Variants in TPRG1 observed in about 807,000 individuals in gnomAD.
TPRG1 encodes the protein tumor protein p63-regulated gene 1 protein.
A neutral mutation model predicts 29.3 loss-of-function variants in TPRG1; 29 were observed. The observed-to-expected ratio is 0.99, with a 90% CI of 0.74 to 1.35. The LOEUF (loss-of-function observed/expected upper bound fraction) is 1.35, where lower values mean the gene tolerates loss of function less well. Among genes scored for constraint, TPRG1 ranks in the 40% most tolerant of loss-of-function variants. TPRG1 has a pLI of 0.00. For synonymous variants in TPRG1, 130 were observed against 116.8 expected, an observed-to-expected ratio of 1.11 and a Z score of -0.73; for missense variants, 327 against 335.0, an observed-to-expected ratio of 0.98 and a Z score of 0.19.
At chr3:189,048,591 G>GT (rs908980438) in intron 4 of TPRG1, among the ~76,000 whole-genome samples, 32 of 151,908 alleles carry the variant, frequency 2.1e-4, no homozygotes, top group African/African-American at 5.8e-4. Context: ...ATAGAAGGCT[G>GT]TTTTTTTTCT....
intron 3 of TPRG1, among the ~76,000 whole-genome samples, chr3:189,217,217 A>G (rs1736204678): frequency 6.6e-6 from 1 of 152,214 alleles, no homozygotes; most frequent in African/African-American, 2.4e-5. Context: ...AACATCAACT[A>G]CAATGATTGG....
intron 1 of TPRG1, among the ~76,000 whole-genome samples, chr3:189,196,476 CAGAAGG>C (rs1261931891): frequency 1.3e-5 from 2 of 152,046 alleles, no homozygotes; most frequent in Non-Finnish European, 2.9e-5. Context: ...AAAATCATGG[CAGAAGG>C]GGAAGGGGAA....
In TPRG1 at chr3:189,238,886, C is replaced by T; in HGVS notation, c.456C>T (p.Thr152=). Residue 152 remains threonine, a synonymous_variant, in exon 4 of 6, where the codon ACC becomes ACT. Coordinates refer to ENST00000345063, the MANE Select transcript of TPRG1 (RefSeq NM_198485.4). The stretch of plus-strand genomic sequence containing the variant: ...ATCGCATCTGCCTGGGCAAGTTCAC[C>T]TTCCCTGGGATGTCCCTGGACAAGT... ...AVYRICLGKF[T]FPGMSLDKRQ... 6.2e-7 allele frequency: 1 copy of T among 1,612,928 alleles called. No homozygotes were observed. Among genetic ancestry groups the T allele is most frequent in the Non-Finnish European group, 8.5e-7 (1 of 1,179,246 alleles).
chr3:189,165,420 T>C (rs908766638), intron 5 of TPRG1, among the ~76,000 whole-genome samples: 4 of 88,920 alleles, frequency 4.5e-5, no homozygotes, highest in Admixed American at 1.1e-4. Flanking sequence ...ACTGTAACAC[T>C]CTGGTTCTCA....
At chr3:189,121,132 T>C (rs927210739) in intron 1 of TPRG1, among the ~76,000 whole-genome samples, 2 of 152,190 alleles carry the variant, frequency 1.3e-5, no homozygotes, top group African/African-American at 4.8e-5. Flanking sequence ...AGAGTTTAAT[T>C]ATGAAAGGAT....
Position 189,153,833 on chromosome 3 carries a change from A to G in TPRG1, c.-10+2961A>G, listed in dbSNP as rs139735272. Among the ~76,000 whole-genome samples the G allele has an allele frequency of 2.8e-4, 42 of 152,338 alleles. 1 individual carries two copies. The East Asian group carries it at 6.6e-3, about 24-fold the overall frequency. On this transcript the variant is annotated intron_variant, in intron 5 of 6. Coordinates refer to the TPRG1 transcript ENST00000412373. ...GACTGATCTGAGAGACAAGAGGACC[A>G]TATCTGGACTATGGCAGAAGACAAG... is the stretch of plus-strand genomic sequence containing the variant.
At chr3:189,199,557 G>A (rs1164214921) in intron 1 of TPRG1, among the ~76,000 whole-genome samples, 1 of 152,134 alleles carries the variant, frequency 6.6e-6, no homozygotes, top group Non-Finnish European at 1.5e-5. Context: ...GTAGTATCCA[G>A]GGCCGGGCCC....
chr3:189,302,432 A>T (rs1330637458), intron 4 of TPRG1, among the ~76,000 whole-genome samples: 1 of 152,188 alleles, frequency 6.6e-6, no homozygotes, highest in Non-Finnish European at 1.5e-5. Context: ...TTAATTATTC[A>T]TTATTGAGGG....
chr3:189,077,579 T>A lies in TPRG1; in HGVS notation c.-462-49478T>A, dbSNP rs150266936. 3.8e-3 allele frequency among the ~76,000 whole-genome samples: 572 copies of A among 152,274 alleles called. 3 individuals are homozygous for A. The highest frequency in any genetic ancestry group is 0.013 in the African/African-American group (534 of 41,554). ...GGAATGATTATATAGGTGTACAAAA[T>A]TGTCAAAATTCATTGAACTCAACAC... is the stretch of plus-strand genomic sequence containing the variant. On this transcript the variant is annotated intron_variant, in intron 4 of 10. Transcript: ENST00000433971.
At chr3:189,021,350 G>A (rs1456896882) in intron 3 of TPRG1, among the ~76,000 whole-genome samples, 1 of 151,918 alleles carries the variant, frequency 6.6e-6, no homozygotes, top group Admixed American at 6.6e-5. Flanking sequence ...ATTTTGGCAT[G>A]ATTTTGCAGC....
chr3:189,064,965 G>A (rs1208190945), intron 4 of TPRG1, among the ~76,000 whole-genome samples: 1 of 152,130 alleles, frequency 6.6e-6, no homozygotes, highest in African/African-American at 2.4e-5. Flanking sequence ...GAGATGGGAG[G>A]ATTGCTTGAG....
intron 1 of TPRG1, among the ~76,000 whole-genome samples, chr3:189,178,969 G>A (rs757269656): frequency 4.6e-5 from 7 of 152,148 alleles, no homozygotes; most frequent in Non-Finnish European, 8.8e-5. Context: ...TGCAGTATTT[G>A]GAAAGATTCT....
intron 5 of TPRG1, among the ~76,000 whole-genome samples, chr3:189,163,066 G>C (rs1450781518): frequency 6.6e-6 from 1 of 152,204 alleles, no homozygotes; most frequent in African/African-American, 2.4e-5. Flanking sequence ...GAGGTCAGGA[G>C]TTCGAGACAA....
intron 4 of TPRG1, among the ~76,000 whole-genome samples, chr3:189,093,946 G>A (rs983773865): frequency 1.3e-5 from 2 of 152,106 alleles, no homozygotes; most frequent in Admixed American, 1.3e-4. Flanking sequence ...GAAAAGGGAT[G>A]GTCAAAGCAG....
intron 4 of TPRG1, among the ~76,000 whole-genome samples, chr3:189,028,862 G>A (rs1713795807): frequency 6.6e-6 from 1 of 152,122 alleles, no homozygotes; most frequent in Non-Finnish European, 1.5e-5. Context: ...TCCAGTAGGT[G>A]AGGCTGACAA....
intron 5 of TPRG1, among the ~76,000 whole-genome samples, chr3:189,161,474 A>T (rs75556155): frequency 2.9e-3 from 119 of 40,548 alleles, no homozygotes; most frequent in Admixed American, 0.012. Context: ...CTTTTTTTTT[A>T]TTATTATTAT....
chr3:189,131,530 G>A (rs1305909355), intron 2 of TPRG1, among the ~76,000 whole-genome samples: 1 of 152,028 alleles, frequency 6.6e-6, no homozygotes, highest in East Asian at 1.9e-4. Flanking sequence ...AATGCAGTAG[G>A]ACTTTATATT....
Position 189,321,069 on chromosome 3 carries a change from G to A in TPRG1, c.*249G>A, listed in dbSNP as rs907149739. On this transcript the variant is annotated 3_prime_UTR_variant, in exon 6 of 6. Transcript: ENST00000345063. ...AATGCTGCTGAGCCTATCAAATACTGTTATCAAATGAGTGCCTGATCATCA... is the reference window on the plus strand; with the variant it reads ...AATGCTGCTGAGCCTATCAAATACTATTATCAAATGAGTGCCTGATCATCA... 6 of 270,580 alleles carry A rather than the reference G, an allele frequency of 2.2e-5. No homozygotes were observed. Among genetic ancestry groups the A allele is most frequent in the Non-Finnish European group, 1.4e-5 (2 of 146,864 alleles). The allele number at this position is 270,580 out of a possible 1,614,324, so 16.8% of individuals were successfully genotyped here. A position where few individuals can be genotyped will look rare whatever the true frequency, so the allele number is the denominator to read the frequency against.
upstream of TPRG1, among the ~76,000 whole-genome samples, chr3:189,168,656 C>T (rs1274613424): frequency 6.6e-6 from 1 of 152,068 alleles, no homozygotes; most frequent in African/African-American, 2.4e-5. Context: ...TATTGGAACG[C>T]AAGAGAAGGG....
Sources: gnomAD v4.1 joint callset for allele counts (sites outside exome capture counted in the v4.1 genomes callset) on GRCh38, gnomAD v4.1.1 for gene constraint, MANE v1.5 for transcripts, NCBI Gene and HGNC (gene_info 2026-07-23, HGNC 2026-07-21) for gene names.